Variants in IL18R1 observed in about 807,000 individuals in gnomAD.
IL18R1 encodes the protein interleukin-18 receptor 1.
A neutral mutation model predicts 48.5 loss-of-function variants in IL18R1; 40 were observed. That is an observed-to-expected ratio of 0.82 (90% CI 0.64 to 1.07). The LOEUF (loss-of-function observed/expected upper bound fraction) is 1.07. IL18R1 is among the 50% of genes least tolerant of loss of function. The pLI, the probability that IL18R1 is intolerant of heterozygous loss-of-function variation, is 0.00. For synonymous variants in IL18R1, 232 were observed against 225.9 expected, an observed-to-expected ratio of 1.03 and a Z score of -0.24; for missense variants, 596 against 633.7, an observed-to-expected ratio of 0.94 and a Z score of 0.64.
rs368489685 is a variant in IL18R1 at position 102,385,926 on chromosome 2, C to A, written c.809+928C>A. ...TTTCTTAGAAATGCAGCTTAAGCTA[C>A]AAAAGCAGAGAGGTCTTTCTTTATA... is the stretch of plus-strand genomic sequence containing the variant. On this transcript the variant is annotated intron_variant, in intron 7 of 10. Coordinates refer to ENST00000233957, the MANE Select transcript of IL18R1 (RefSeq NM_003855.5). Among the ~76,000 whole-genome samples, 17 of 152,314 alleles carry A rather than the reference C, an allele frequency of 1.1e-4. No individual in the cohort carries two copies. The South Asian group carries it at 1.4e-3, about 13-fold the overall frequency.
rs185996849 is a variant in IL18R1, at chr2:102,382,190, T to C, written c.688+508T>C. 3.9e-5 allele frequency among the ~76,000 whole-genome samples: 6 copies of C among 152,164 alleles called. No homozygotes were observed. In the East Asian group the frequency reaches 1.2e-3, roughly 29 times the overall value. ...CAGGAGACTGAGGCAGGAGAATCTC[T>C]TGAACCCAGGAGGCAAGGTTGTAAT... On this transcript the variant is annotated intron_variant, in intron 6 of 10. Transcript: ENST00000233957.
chr2:102,386,515 T>C (rs1223132488), intron 7 of IL18R1, among the ~76,000 whole-genome samples: 1 of 152,248 alleles, frequency 6.6e-6, no homozygotes, highest in Non-Finnish European at 1.5e-5. Context: ...GGAACCACTC[T>C]GTGGAAAGAA....
intron 1 of IL18R1, among the ~76,000 whole-genome samples, chr2:102,361,446 A>AT (rs1466378736): frequency 6.6e-6 from 1 of 152,204 alleles, no homozygotes; most frequent in Non-Finnish European, 1.5e-5. Flanking sequence ...GGATTCAGGC[A>AT]TTGACAACTC....
At chr2:102,389,108 T>C (rs1680413505) in intron 8 of IL18R1, among the ~76,000 whole-genome samples, 1 of 152,184 alleles carries the variant, frequency 6.6e-6, no homozygotes. Context: ...CTTATACATA[T>C]AAAATGTACT....
chr2:102,356,786 C>T (rs1028445086), intron 1 of IL18R1, among the ~76,000 whole-genome samples: 2 of 152,100 alleles, frequency 1.3e-5, no homozygotes, highest in Non-Finnish European at 2.9e-5. Flanking sequence ...GGAGGAATTC[C>T]GTCATTTACC....
intron 5 of IL18R1, among the ~76,000 whole-genome samples, chr2:102,380,389 G>A (rs921617510): frequency 6.6e-6 from 1 of 152,196 alleles, no homozygotes; most frequent in Admixed American, 6.5e-5. Flanking sequence ...GAGAAAGGTA[G>A]TCAGTAGCAG....
intron 9 of IL18R1, 136 bp from the exon 10 acceptor site, chr2:102,394,333 T>A: frequency 1.7e-6 from 1 of 598,158 alleles, no homozygotes; most frequent in Non-Finnish European, 2.7e-6. Flanking sequence ...GCATGGGAGG[T>A]TTAAATATAA....
In IL18R1 at chr2:102,381,593, A is replaced by T. The variant is rs369406286; in HGVS notation, c.626-27A>T. On this transcript the variant is annotated intron_variant, in intron 5 of 10. Coordinates refer to ENST00000233957, the MANE Select transcript of IL18R1 (RefSeq NM_003855.5). ...AAGAAGCTCAAGGCAACACTAATAC[A>T]TTTGTCTTTTCTTTTGTCACTTCTA... The T allele has an allele frequency of 7.0e-6, 11 of 1,568,026 alleles. 1 individual carries two copies. The South Asian group carries it at 1.0e-4, about 14-fold the overall frequency.
chr2:102,367,810 A>T lies in IL18R1; in HGVS notation c.59-15A>T, dbSNP rs772424614. On this transcript the variant is annotated splice_polypyrimidine_tract_variant and intron_variant, in intron 2 of 10. Coordinates refer to ENST00000233957, the MANE Select transcript of IL18R1 (RefSeq NM_003855.5). Reference sequence around the variant, plus strand: ...TTTTTGTTTTTATTTATTTTACTTTACTAATCTTTTGAAGAATCTTGTACT... The same window carrying T: ...TTTTTGTTTTTATTTATTTTACTTTTCTAATCTTTTGAAGAATCTTGTACT... The T allele has an allele frequency of 6.2e-7, 1 of 1,602,410 alleles. No individual in the cohort carries two copies. The highest frequency in any genetic ancestry group is 1.7e-5 in the Admixed American group (1 of 58,904).
rs55843325 is a variant in IL18R1 at position 102,389,841 on chromosome 2, C to T, written c.950-215C>T. Among the ~76,000 whole-genome samples, 383 of 152,228 alleles carry T rather than the reference C, an allele frequency of 2.5e-3. 2 individuals carry two copies. Among genetic ancestry groups the T allele is most frequent in the Non-Finnish European group, 4.2e-3 (289 of 68,022 alleles). Reference sequence around the variant, plus strand: ...TTTTCACTTCAGTTCTCTAAATATCCGTGTACACATTTTTATTCTTTAAAA... The same window carrying T: ...TTTTCACTTCAGTTCTCTAAATATCTGTGTACACATTTTTATTCTTTAAAA... On this transcript the variant is annotated intron_variant, in intron 8 of 10. Transcript: ENST00000233957.
intron 2 of IL18R1, among the ~76,000 whole-genome samples, chr2:102,366,349 T>C (rs1678897903): frequency 6.6e-6 from 1 of 152,218 alleles, no homozygotes; most frequent in Non-Finnish European, 1.5e-5. Flanking sequence ...CCCCAAAAGT[T>C]CCTCATCTCC....
intron 1 of IL18R1, among the ~76,000 whole-genome samples, chr2:102,362,284 C>A (rs533236065): frequency 2.0e-5 from 3 of 152,316 alleles, no homozygotes; most frequent in African/African-American, 4.8e-5. Flanking sequence ...CTCAGCATGT[C>A]ACAGATTGTT....
chr2:102,389,152 C>A (rs938498865), intron 8 of IL18R1, among the ~76,000 whole-genome samples: 6 of 151,990 alleles, frequency 3.9e-5, no homozygotes, highest in African/African-American at 1.5e-4. Context: ...AAATTGCAAT[C>A]AATCTAAATA....
intron 9 of IL18R1, 47 bp from the exon 10 acceptor site, chr2:102,394,422 A>G (rs374184097): frequency 2.0e-6 from 3 of 1,475,734 alleles, no homozygotes; most frequent in African/African-American, 2.8e-5. Context: ...GTACTTAAAT[A>G]AAATTTTATT....
chr2:102,362,585 A>C, intron 1 of IL18R1, 48 bp from the exon 2 acceptor site: 1 of 1,305,288 alleles, frequency 7.7e-7, no homozygotes, highest in East Asian at 2.4e-5. Context: ...AGATAGGCAC[A>C]CTTTTGTTTG....
intron 1 of IL18R1, among the ~76,000 whole-genome samples, chr2:102,361,489 T>G (rs937278224): frequency 6.6e-6 from 1 of 152,182 alleles, no homozygotes; most frequent in Non-Finnish European, 1.5e-5. Context: ...TAGTTGTTGG[T>G]GAGAGGGGCA....
chr2:102,386,867 A>C lies in IL18R1; in HGVS notation c.816A>C (p.Pro272=), dbSNP rs201794709. The change falls in exon 8 of 11, where the codon CCA becomes CCC. Residue 272 remains proline, a synonymous_variant. Transcript: ENST00000233957. ...HEEKEMRIMT[P]EGKWHASKVL... Reference sequence around the variant, plus strand: ...TTATTTTGCCCTCTTACAGGACTCCAGAAGGCAAATGGCATGCTTCAAAAG... The same window carrying C: ...TTATTTTGCCCTCTTACAGGACTCCCGAAGGCAAATGGCATGCTTCAAAAG... 1 of 1,614,200 alleles carries C rather than the reference A, an allele frequency of 6.2e-7. No individual in the cohort carries two copies. Among genetic ancestry groups the C allele is most frequent in the East Asian group, 2.2e-5 (1 of 44,888 alleles).
chr2:102,363,191 G>A (rs1028217195), intron 2 of IL18R1, among the ~76,000 whole-genome samples: 1 of 133,810 alleles, frequency 7.5e-6, no homozygotes, highest in African/African-American at 3.2e-5. Flanking sequence ...AGCAGTGATT[G>A]CCTAGAGTTT....
In IL18R1 at chr2:102,384,874, C is replaced by G. The variant is rs1680133654; in HGVS notation, c.689-4C>G. On this transcript the variant is annotated splice_region_variant and splice_polypyrimidine_tract_variant and intron_variant, in intron 6 of 10. Transcript: ENST00000233957. The stretch of plus-strand genomic sequence containing the variant: ...TCAGAACTTTAGTTGCCAACTTTTA[C>G]CAGGAAAAAACGTAAGGCTCAACTG... The G allele has an allele frequency of 1.2e-6, 2 of 1,605,188 alleles. No homozygotes were observed. The highest frequency in any genetic ancestry group is 1.7e-6 in the Non-Finnish European group (2 of 1,176,642).
Sources: allele counts gnomAD v4.1 joint callset (sites outside exome capture counted in the v4.1 genomes callset), GRCh38; gene constraint gnomAD v4.1.1; transcripts MANE v1.5; gene names NCBI Gene and HGNC (gene_info 2026-07-23, HGNC 2026-07-21).